The following CSNK1A1 variants were observed in gnomAD, a reference collection of about 807,000 sequenced individuals.
The protein encoded by CSNK1A1 is casein kinase 1 alpha 1.
CSNK1A1 carries 7 observed loss-of-function variants against 46.1 expected under a neutral mutation model. That is an observed-to-expected ratio of 0.15 (90% confidence interval 0.09 to 0.29). The LOEUF is 0.29. Among genes scored for constraint, CSNK1A1 ranks in the 10% least tolerant of loss-of-function variants. The probability of loss-of-function intolerance (pLI) is 1.00; values close to 1 mark genes in which losing one functional copy is unlikely to be tolerated. For missense variants in CSNK1A1, 96 were observed against 417.1 expected, an observed-to-expected ratio of 0.23 and a Z score of 6.71; for synonymous variants, 137 against 141.5, an observed-to-expected ratio of 0.97 and a Z score of 0.23.
chr5:149,532,384 TA>T (rs879440683), intron 2 of CSNK1A1, among the ~76,000 whole-genome samples: 566 of 141,662 alleles, frequency 4.0e-3, no homozygotes, highest in Middle Eastern at 3.6e-3. Context: ...AGACTTAGTC[TA>T]AAAAAAAAAA....
intron 7 of CSNK1A1, among the ~76,000 whole-genome samples, chr5:149,508,692 C>T (rs1761114893): frequency 6.6e-6 from 1 of 152,192 alleles, no homozygotes; most frequent in South Asian, 2.1e-4. Context: ...CTGCATGTTT[C>T]CCTGTTCCTT....
chr5:149,549,376 T>C (rs1340227301), intron 2 of CSNK1A1: 2 of 678,104 alleles, frequency 2.9e-6, no homozygotes, highest in East Asian at 2.7e-5. Context: ...TTTTACATAG[T>C]GTAATTCAAC....
chr5:149,521,476 C>T (rs553479364), intron 3 of CSNK1A1, among the ~76,000 whole-genome samples: 14 of 151,986 alleles, frequency 9.2e-5, no homozygotes, highest in African/African-American at 3.1e-4. Flanking sequence ...TTGGTAGAGA[C>T]GGGATATCGT....
Position 149,496,506 on chromosome 5 carries a change from C to G in CSNK1A1, c.*347G>C. 1 of 295,044 alleles carries G rather than the reference C, an allele frequency of 3.4e-6. No homozygotes were observed. Among genetic ancestry groups the G allele is most frequent in the Non-Finnish European group, 6.3e-6 (1 of 158,466 alleles). The allele number at this position is 295,044 out of a possible 1,614,324, so 18.3% of individuals were successfully genotyped here. ...AATGAGATCTCAAAGCAGTATAGTT[C>G]AAAACAAAAGGTTTTAACAAAAAAT... On this transcript the variant is annotated 3_prime_UTR_variant, in exon 10 of 10. Coordinates refer to ENST00000377843, the MANE Select transcript of CSNK1A1 (RefSeq NM_001892.6).
intron 3 of CSNK1A1, among the ~76,000 whole-genome samples, chr5:149,522,901 C>T (rs1207798709): frequency 6.6e-6 from 1 of 152,088 alleles, no homozygotes; most frequent in South Asian, 2.1e-4. Context: ...TTTGCCACCC[C>T]AACCCCCAGC....
intron 2 of CSNK1A1, among the ~76,000 whole-genome samples, chr5:149,538,827 C>A (rs1308840416): frequency 6.6e-6 from 1 of 151,756 alleles, no homozygotes; most frequent in African/African-American, 2.4e-5. Flanking sequence ...GAGGCTGAGG[C>A]AGGAGGATCA....
chr5:149,500,976 T>A, intron 9 of CSNK1A1: 1 of 985,404 alleles, frequency 1.0e-6, no homozygotes, highest in East Asian at 1.1e-4. Flanking sequence ...CAGAATTCAT[T>A]CTGCTACACA....
intron 2 of CSNK1A1, among the ~76,000 whole-genome samples, chr5:149,541,964 G>C (rs1762245105): frequency 1.1e-5 from 1 of 93,484 alleles, no homozygotes; most frequent in Admixed American, 1.8e-4. Context: ...GAGAAAGACT[G>C]CATCTCAAAA....
chr5:149,523,300 A>G (rs1210859602), intron 3 of CSNK1A1, among the ~76,000 whole-genome samples: 1 of 152,164 alleles, frequency 6.6e-6, no homozygotes, highest in Non-Finnish European at 1.5e-5. Context: ...TTGGCCTCTC[A>G]AAAGTGCTGG....
intron 2 of CSNK1A1, among the ~76,000 whole-genome samples, chr5:149,541,038 C>T (rs1257128930): frequency 6.6e-6 from 1 of 151,862 alleles, no homozygotes; most frequent in African/African-American, 2.4e-5. Context: ...CAAGATTGCG[C>T]CACTGCACTC....
In CSNK1A1 at chr5:149,505,580, T is replaced by C. The variant is rs201877962; in HGVS notation, c.873A>G (p.Gln291=). The C allele has an allele frequency of 1.2e-6, 2 of 1,614,002 alleles. No homozygotes were observed. The highest frequency in any genetic ancestry group is 1.7e-5 in the Admixed American group (1 of 60,026). Residue 291 remains glutamine, a synonymous_variant, in exon 9 of 10, where the codon CAA becomes CAG. Transcript: ENST00000377843. Reference sequence around the variant, plus strand: ...TTGTCCAATCAAATGTGTAGTCATATTGATGGTTCAGGGTCCTGGAACACA... The same window carrying C: ...TTGTCCAATCAAATGTGTAGTCATACTGATGGTTCAGGGTCCTGGAACACA... ...FRILFRTLNH[Q]YDYTFDWTML...
intron 7 of CSNK1A1, among the ~76,000 whole-genome samples, chr5:149,509,283 A>G (rs1761137925): frequency 6.6e-6 from 1 of 152,324 alleles, no homozygotes; most frequent in African/African-American, 2.4e-5. Flanking sequence ...TAGAATAATA[A>G]AAATGTAAAT....
At chr5:149,533,638 T>G (rs1761963598) in intron 2 of CSNK1A1, among the ~76,000 whole-genome samples, 1 of 152,072 alleles carries the variant, frequency 6.6e-6, no homozygotes, top group Admixed American at 6.5e-5. Context: ...AAAGTGTTAT[T>G]TCAAAGATCA....
rs1276796467 is a variant in CSNK1A1, at chr5:149,542,685, TATATATA to T, written c.230+7383_230+7389del. Among the ~76,000 whole-genome samples the T allele has an allele frequency of 2.5e-4, 5 of 20,080 alleles. 1 individual carries two copies. The highest frequency in any genetic ancestry group is 4.5e-3 in the South Asian group (2 of 448). 13.2% of individuals were successfully genotyped at this position (20,080 alleles called of 152,430 possible). A position where few individuals can be genotyped will look rare whatever the true frequency, so the allele number is the denominator to read the frequency against. On this transcript the variant is annotated intron_variant, in intron 2 of 9. Coordinates refer to ENST00000377843, the MANE Select transcript of CSNK1A1 (RefSeq NM_001892.6). ...ATATATATATATGTATATATATATA[TATATATA>T]TTTTTTTTTTTTTTTTTTTTTGAGA...
intron 4 of CSNK1A1, among the ~76,000 whole-genome samples, chr5:149,513,959 T>C (rs1761316950): frequency 6.6e-6 from 1 of 151,902 alleles, no homozygotes; most frequent in African/African-American, 2.4e-5. Context: ...ACAAAGGCCA[T>C]TCTTAAATGT....
At chr5:149,547,480 T>C (rs934279357) in intron 2 of CSNK1A1, among the ~76,000 whole-genome samples, 2 of 152,224 alleles carry the variant, frequency 1.3e-5, no homozygotes, top group African/African-American at 4.8e-5. Context: ...TTCAAATACA[T>C]TAAATTTAAC....
intron 2 of CSNK1A1, chr5:149,529,734 G>C (rs1033759167): frequency 1.5e-5 from 7 of 456,092 alleles, no homozygotes; most frequent in African/African-American, 1.0e-4. Context: ...AAATAATTGG[G>C]TGAACTATTA....
chr5:149,549,576 G>A (rs1178596943), intron 2 of CSNK1A1: 2 of 686,064 alleles, frequency 2.9e-6, no homozygotes, highest in Admixed American at 2.0e-5. Context: ...CAGGAATATG[G>A]GGTTGAGTCA....
At chr5:149,500,135 A>ATTT (rs1193702653) in intron 9 of CSNK1A1, among the ~76,000 whole-genome samples, 1 of 106,328 alleles carries the variant, frequency 9.4e-6, no homozygotes, top group African/African-American at 4.0e-5. Flanking sequence ...CGCCCAGCTA[A>ATTT]TTTTTTTTTT....
Sources: allele counts gnomAD v4.1 joint callset (sites outside exome capture counted in the v4.1 genomes callset), GRCh38; gene constraint gnomAD v4.1.1; transcripts MANE v1.5; gene names NCBI Gene and HGNC (gene_info 2026-07-23, HGNC 2026-07-21).